Variants in USP34 observed in about 807,000 individuals in gnomAD.
USP34 encodes ubiquitin specific peptidase 34.
In USP34, 70 loss-of-function variants were observed where a neutral mutation model predicts 460.3. That is an observed-to-expected ratio of 0.15 (90% CI 0.13 to 0.19). USP34 has a LOEUF of 0.19. Ranked by LOEUF, USP34 falls within the 10% of genes least tolerant of loss-of-function variation. The pLI, the probability that USP34 is intolerant of heterozygous loss-of-function variation, is 1.00. For synonymous variants in USP34, 1,647 were observed against 1,405.3 expected (o/e 1.17, Z -3.85); for missense variants, 3,985 against 4,236.2 (o/e 0.94, Z 1.65).
At chr2:61,381,404 T>C (rs1326601372) in intron 6 of USP34, among the ~76,000 whole-genome samples, 1 of 152,136 alleles carries the variant, frequency 6.6e-6, no homozygotes, top group Non-Finnish European at 1.5e-5. Context: ...AATTGCTCAA[T>C]CAGAGCTCAC....
In USP34 at chr2:61,235,867, T is replaced by G. The variant is rs777458208; in HGVS notation, c.7010A>C (p.Asn2337Thr). 3 of 1,613,782 alleles carry G rather than the reference T, an allele frequency of 1.9e-6. No homozygotes were observed. The highest frequency in any genetic ancestry group is 2.5e-6 in the Non-Finnish European group (3 of 1,179,942). ...TACCTCACAAGCTGCCTGACTATTA[T>G]TAAACTGTTTCGTCAACAGTTCAAT... ...QWIELLTKQFNNSQAACEWFL... is the reference protein window; with the variant it reads ...QWIELLTKQFTNSQAACEWFL... The change falls in exon 57 of 80, where the codon AAT becomes ACT. Residue 2337 changes from asparagine (N) to threonine (T), a missense_variant. Asn to Thr is a moderately conservative substitution (Grantham distance 65). Coordinates refer to ENST00000398571, the MANE Select transcript of USP34 (RefSeq NM_014709.4).
At chr2:61,433,147 G>C (rs1368331511) in intron 1 of USP34, among the ~76,000 whole-genome samples, 5 of 152,220 alleles carry the variant, frequency 3.3e-5, no homozygotes, top group African/African-American at 4.8e-5. Context: ...TGCAGTTGGG[G>C]AATGGAGACA....
chr2:61,458,901 A>C (rs1423697991), intron 1 of USP34, among the ~76,000 whole-genome samples: 1 of 151,596 alleles, frequency 6.6e-6, no homozygotes, highest in South Asian at 2.1e-4. Flanking sequence ...CCCCATTCCT[A>C]CTAAATTTAC....
intron 15 of USP34, among the ~76,000 whole-genome samples, chr2:61,345,039 G>A (rs941821603): frequency 5.9e-5 from 9 of 152,132 alleles, no homozygotes; most frequent in African/African-American, 1.9e-4. Flanking sequence ...TTGGGAGGCC[G>A]AGGCAGGCGG....
At chr2:61,282,876 C>G (rs1373309284) in intron 37 of USP34, among the ~76,000 whole-genome samples, 1 of 151,988 alleles carries the variant, frequency 6.6e-6, no homozygotes, top group Non-Finnish European at 1.5e-5. Context: ...TTCCTACTAC[C>G]TGGAAAAACT....
chr2:61,243,341 T>C (rs1453491915), intron 51 of USP34, among the ~76,000 whole-genome samples: 1 of 151,728 alleles, frequency 6.6e-6, no homozygotes, highest in African/African-American at 2.4e-5. Context: ...GAGGTGGGGT[T>C]TCCCCACATT....
chr2:61,369,715 A>G (rs1692554362), intron 10 of USP34, among the ~76,000 whole-genome samples: 1 of 151,404 alleles, frequency 6.6e-6, no homozygotes, highest in Admixed American at 6.6e-5. Flanking sequence ...CAAGAAGATA[A>G]AAAGCACTTC....
chr2:61,280,178 CAT>C (rs1491222369), intron 39 of USP34, 64 bp downstream of exon 39: 74 of 935,926 alleles, frequency 7.9e-5, no homozygotes, highest in Admixed American at 1.1e-4. Flanking sequence ...AAGTCATGAA[CAT>C]ATGTCATAAT....
chr2:61,196,213 T>TG (rs986675429), intron 75 of USP34, among the ~76,000 whole-genome samples: 3 of 150,324 alleles, frequency 2.0e-5, no homozygotes, highest in Non-Finnish European at 4.4e-5. Context: ...CCCAAGTAGC[T>TG]GGGACTACAG....
At chr2:61,265,766 C>A in intron 42 of USP34, 1 of 677,124 alleles carries the variant, frequency 1.5e-6, no homozygotes, top group Non-Finnish European at 2.1e-6. Context: ...TTTTACTTGG[C>A]CCCAAATTAC....
At chr2:61,352,352 G>A (rs1002286537) in intron 10 of USP34, among the ~76,000 whole-genome samples, 3 of 151,556 alleles carry the variant, frequency 2.0e-5, no homozygotes, top group Non-Finnish European at 1.5e-5. Flanking sequence ...TACACTATAT[G>A]TAATACATAA....
At chr2:61,193,966 G>T in intron 75 of USP34, 1 of 290,250 alleles carries the variant, frequency 3.4e-6, no homozygotes, top group Non-Finnish European at 5.1e-6. Context: ...ACTGAAATGG[G>T]AATCTCATAA....
intron 29 of USP34, among the ~76,000 whole-genome samples, chr2:61,298,372 A>AAAC (rs1447817001): frequency 7.0e-6 from 1 of 141,916 alleles, no homozygotes; most frequent in Non-Finnish European, 1.5e-5. Context: ...TACAAAAAAA[A>AAAC]AAAAAAAAAA....
At chr2:61,419,682 T>C (rs374869568) in intron 2 of USP34, among the ~76,000 whole-genome samples, 3 of 151,576 alleles carry the variant, frequency 2.0e-5, no homozygotes, top group East Asian at 1.9e-4. Context: ...TTTTTCCTAG[T>C]ATAACATGTT....
intron 41 of USP34, among the ~76,000 whole-genome samples, chr2:61,277,305 T>C (rs1449144097): frequency 6.6e-6 from 1 of 151,440 alleles, no homozygotes; most frequent in Non-Finnish European, 1.5e-5. Context: ...GGTGTGATCA[T>C]GGCTCACTGA....
In USP34 at chr2:61,339,555, A is replaced by T. The variant is rs1017801780; in HGVS notation, c.2616+11T>A. 3.2e-6 allele frequency: 5 copies of T among 1,567,274 alleles called. No homozygotes were observed. Among genetic ancestry groups the T allele is most frequent in the Non-Finnish European group, 4.3e-6 (5 of 1,163,370 alleles). On this transcript the variant is annotated intron_variant, in intron 17 of 79. Coordinates refer to ENST00000398571, the MANE Select transcript of USP34 (RefSeq NM_014709.4). ...AATTTCTTACTCTTCTGGTTCTATT[A>T]AATAACTTACTGCATCTTCATCTTG...
intron 49 of USP34, among the ~76,000 whole-genome samples, chr2:61,248,185 C>CAAA (rs11339335): frequency 7.2e-5 from 5 of 69,546 alleles, no homozygotes; most frequent in South Asian, 4.9e-4. Context: ...CTCAGAAGAC[C>CAAA]AAAAAAAAAA....
At chr2:61,244,434 G>A (rs1688365546) in intron 51 of USP34, among the ~76,000 whole-genome samples, 1 of 152,152 alleles carries the variant, frequency 6.6e-6, no homozygotes, top group African/African-American at 2.4e-5. Flanking sequence ...GGCCAACATG[G>A]TGAAACTCCA....
intron 1 of USP34, among the ~76,000 whole-genome samples, chr2:61,463,465 C>G (rs77029645): frequency 0.025 from 3,827 of 152,196 alleles, 172 homozygotes; most frequent in African/African-American, 0.088. Flanking sequence ...AAAACACGGT[C>G]AGTAATTTTC....
Sources: allele counts gnomAD v4.1 joint callset (sites outside exome capture counted in the v4.1 genomes callset), GRCh38; gene constraint gnomAD v4.1.1; transcripts MANE v1.5; gene names NCBI Gene and HGNC (gene_info 2026-07-23, HGNC 2026-07-21).